Variants in PCGF3 observed in about 807,000 individuals in gnomAD.
The protein encoded by PCGF3 is polycomb group ring finger 3, also known as polycomb group RING finger protein 3.
PCGF3 carries 7 observed loss-of-function variants against 33.1 expected under a neutral mutation model. The observed-to-expected ratio is 0.21, with a 90% CI of 0.12 to 0.40. The LOEUF (loss-of-function observed/expected upper bound fraction) is 0.40. Ranked by LOEUF, PCGF3 falls within the 10% of genes least tolerant of loss-of-function variation. PCGF3 has a pLI of 1.00. For missense variants in PCGF3, 211 were observed against 313.3 expected (o/e 0.67, Z 2.46); for synonymous variants, 153 against 121.3 (o/e 1.26, Z -1.72).
At chr4:730,842 T>G in intron 2 of PCGF3, 128 bp from the exon 3 acceptor site, 1 of 395,310 alleles carries the variant, frequency 2.5e-6, no homozygotes, top group Non-Finnish European at 4.5e-6. Flanking sequence ...CGGTCAGTAC[T>G]TCTGATTGAC....
At chr4:762,221 A>C (rs1322139716) in intron 9 of PCGF3, 2 of 480,714 alleles carry the variant, frequency 4.2e-6, no homozygotes, top group African/African-American at 4.2e-5. Context: ...TTGGGATGAA[A>C]TAATTCTGGA....
intron 6 of PCGF3, among the ~76,000 whole-genome samples, chr4:741,308 C>G (rs1744079442): frequency 6.6e-6 from 1 of 152,248 alleles, no homozygotes; most frequent in African/African-American, 2.4e-5. Context: ...TTCCAATTGG[C>G]TGATTCGTTA....
intron 8 of PCGF3, among the ~76,000 whole-genome samples, chr4:749,411 A>G (rs1373552536): frequency 2.1e-5 from 3 of 143,162 alleles, no homozygotes; most frequent in African/African-American, 5.3e-5. Context: ...TGATCCACCC[A>G]CCTCAGCCTC....
At chr4:765,992 C>A in intron 10 of PCGF3, 40 bp from the exon 11 acceptor site, 1 of 1,601,900 alleles carries the variant, frequency 6.2e-7, no homozygotes, top group Non-Finnish European at 8.6e-7. Flanking sequence ...CTCGCCTCCA[C>A]CCCTGCTAAG....
exon 11 of PCGF3, chr4:769,880 A>C (rs1338150588): frequency 1.3e-5 from 2 of 152,648 alleles, no homozygotes; most frequent in Admixed American, 1.3e-4. Context: ...GGTGATCACG[A>C]AGATACATGT....
chr4:741,954 C>G (rs763153173), intron 6 of PCGF3, among the ~76,000 whole-genome samples: 3 of 152,152 alleles, frequency 2.0e-5, no homozygotes. Flanking sequence ...CCCTGTCTTG[C>G]AGGCCTCCAT....
In PCGF3 at chr4:761,272, C is replaced by CA. The variant is rs1203514598; in HGVS notation, c.463-7_463-6insA. On this transcript the variant is annotated splice_region_variant and splice_polypyrimidine_tract_variant and intron_variant, in intron 8 of 10. Transcript: ENST00000362003. ...TGCTGCGCTCTCACCAGCGTCCTTT[C>CA]CCGCAGGTGAGCATCTGCCTGGAGT... 6.3e-7 allele frequency: 1 copy of CA among 1,575,696 alleles called. No individual in the cohort carries two copies. The highest frequency in any genetic ancestry group is 1.4e-5 in the African/African-American group (1 of 73,702).
intron 1 of PCGF3, among the ~76,000 whole-genome samples, chr4:716,303 G>T (rs1418348897): frequency 7.2e-6 from 1 of 139,164 alleles, no homozygotes; most frequent in Non-Finnish European, 1.6e-5. Flanking sequence ...AGAACTGGGC[G>T]TCGGTGCTGG....
chr4:751,360 A>G (rs1241408811), intron 8 of PCGF3, among the ~76,000 whole-genome samples: 1 of 152,214 alleles, frequency 6.6e-6, no homozygotes, highest in African/African-American at 2.4e-5. Context: ...ATGCGACGTT[A>G]TAGTTATTTA....
At chr4:740,457 T>TA (rs1744037565) in intron 6 of PCGF3, among the ~76,000 whole-genome samples, 1 of 152,242 alleles carries the variant, frequency 6.6e-6, no homozygotes, top group Non-Finnish European at 1.5e-5. Flanking sequence ...CTCAGCCCAC[T>TA]CTGGGCTCTT....
chr4:759,999 C>T (rs565209436), intron 8 of PCGF3, among the ~76,000 whole-genome samples: 3 of 152,286 alleles, frequency 2.0e-5, no homozygotes, highest in East Asian at 1.9e-4. Flanking sequence ...ATCTTCTTCC[C>T]GCTCACATTG....
In PCGF3 at chr4:733,805, G is replaced by T; in HGVS notation, c.109+16G>T. The T allele has an allele frequency of 6.2e-7, 1 of 1,613,640 alleles. No individual in the cohort carries two copies. Among genetic ancestry groups the T allele is most frequent in the Non-Finnish European group, 8.5e-7 (1 of 1,179,994 alleles). On this transcript the variant is annotated intron_variant, in intron 4 of 10. Coordinates refer to ENST00000362003, the Ensembl canonical transcript of PCGF3. Reference sequence around the variant, plus strand: ...CTGCACACCTGTACGTGCCCTGCCCGCGCCACCCAGGGAGGGCGCGCCCTT... The same window carrying T: ...CTGCACACCTGTACGTGCCCTGCCCTCGCCACCCAGGGAGGGCGCGCCCTT...
At chr4:750,721 C>G (rs770498130) in intron 8 of PCGF3, among the ~76,000 whole-genome samples, 2 of 150,026 alleles carry the variant, frequency 1.3e-5, no homozygotes, top group Non-Finnish European at 3.0e-5. Context: ...CTTGTGGATT[C>G]TTGTTTTCTC....
chr4:751,481 C>T (rs545087280), intron 8 of PCGF3, among the ~76,000 whole-genome samples: 1 of 152,122 alleles, frequency 6.6e-6, no homozygotes, highest in Non-Finnish European at 1.5e-5. Context: ...AGTGCGGTGG[C>T]CCCTGAGCTC....
chr4:722,772 C>T (rs1441854551), intron 1 of PCGF3, among the ~76,000 whole-genome samples: 10 of 86,432 alleles, frequency 1.2e-4, no homozygotes, highest in East Asian at 3.5e-4. Context: ...CCATCCACGC[C>T]GGGTCCACAC....
intron 8 of PCGF3, among the ~76,000 whole-genome samples, chr4:755,528 C>T (rs545529289): frequency 5.4e-4 from 83 of 152,322 alleles, no homozygotes; most frequent in African/African-American, 1.8e-3. Context: ...CTATCATCAT[C>T]CACAGTTTTA....
At chr4:711,454 C>T (rs11734515) in intron 1 of PCGF3, among the ~76,000 whole-genome samples, 16,441 of 81,786 alleles carry the variant, frequency 0.2, 1,314 homozygotes, top group South Asian at 0.32. Context: ...TTTTTTTTTT[C>T]TTTTTTTTTT....
intron 1 of PCGF3, among the ~76,000 whole-genome samples, chr4:725,987 T>A (rs1743318194): frequency 6.6e-6 from 1 of 152,112 alleles, no homozygotes; most frequent in Admixed American, 6.5e-5. Context: ...CCCAGCCTCT[T>A]CCGAGCCATG....
In PCGF3 at chr4:733,901, C is replaced by A; in HGVS notation, c.109+112C>A. 2.5e-6 allele frequency: 4 copies of A among 1,584,466 alleles called. No homozygotes were observed. The South Asian group carries it at 3.4e-5, about 13-fold the overall frequency. ...GCTTTTAGCTCAAGCCCGACAAAAG[C>A]AGGAACCAGGACCAGGGGCAGAGAC... On this transcript the variant is annotated intron_variant, in intron 4 of 10. Transcript: ENST00000362003.
Sources: allele counts gnomAD v4.1 joint callset (sites outside exome capture counted in the v4.1 genomes callset), GRCh38; gene constraint gnomAD v4.1.1; transcripts MANE v1.5; gene names NCBI Gene and HGNC (gene_info 2026-07-23, HGNC 2026-07-21).